Variants in MLLT3 observed in about 807,000 individuals in gnomAD.
MLLT3 encodes protein AF-9.
A neutral mutation model predicts 53.2 loss-of-function variants in MLLT3; 4 were observed. The ratio of observed to expected loss-of-function variants is 0.08; its 90% CI spans 0.04 to 0.17. The LOEUF (loss-of-function observed/expected upper bound fraction) is 0.17. Ranked by LOEUF, MLLT3 falls within the 10% of genes least tolerant of loss-of-function variation. MLLT3 has a pLI of 1.00. For synonymous variants in MLLT3, 283 were observed against 230.6 expected, an observed-to-expected ratio of 1.23 and a Z score of -2.06; for missense variants, 569 against 684.0, an observed-to-expected ratio of 0.83 and a Z score of 1.87.
chr9:20,575,002 C>T (rs1819619251), intron 2 of MLLT3, among the ~76,000 whole-genome samples: 1 of 152,196 alleles, frequency 6.6e-6, no homozygotes, highest in Non-Finnish European at 1.5e-5. Context: ...AAATCACTTG[C>T]TTGGCTCTTC....
intron 8 of MLLT3, among the ~76,000 whole-genome samples, chr9:20,358,289 G>A (rs140181134): frequency 6.6e-6 from 1 of 152,198 alleles, no homozygotes; most frequent in Non-Finnish European, 1.5e-5. Flanking sequence ...AAGCCCTCCT[G>A]TGGTATATAT....
intron 2 of MLLT3, among the ~76,000 whole-genome samples, chr9:20,548,920 T>A (rs998988095): frequency 6.6e-6 from 1 of 151,856 alleles, no homozygotes; most frequent in African/African-American, 2.4e-5. Context: ...GCTCAGCTGA[T>A]CCTCCCACTT....
At position 20,621,064 on chromosome 9, in the gene MLLT3, T is replaced by A. The variant is rs1563848308; in HGVS notation, c.13-230A>T. The A allele has an allele frequency of 6.0e-6, 4 of 671,252 alleles. No individual in the cohort carries two copies. The highest frequency in any genetic ancestry group is 3.8e-4 in the Middle Eastern group (1 of 2,598). 41.6% of individuals were successfully genotyped at this position (671,252 alleles called of 1,614,324 possible). On this transcript the variant is annotated intron_variant, in intron 1 of 10. Transcript: ENST00000380338. This position sits in a 1 kb window ranked among gnomAD's most constrained non-coding sequence, Gnocchi z 7.0. ...AGGCGCCCCGGGCCCCGCATCTACATCGGACAGGATTGTAACGGAATGTTA... is the reference window on the plus strand; with the variant it reads ...AGGCGCCCCGGGCCCCGCATCTACAACGGACAGGATTGTAACGGAATGTTA...
intron 2 of MLLT3, among the ~76,000 whole-genome samples, chr9:20,483,281 C>A (rs563978772): frequency 9.9e-5 from 15 of 151,966 alleles, no homozygotes; most frequent in African/African-American, 3.4e-4. Context: ...GTTGCCCAGG[C>A]TGGAGTGCAG....
At chr9:20,550,969 T>C (rs1479939180) in intron 2 of MLLT3, among the ~76,000 whole-genome samples, 1 of 152,084 alleles carries the variant, frequency 6.6e-6, no homozygotes, top group African/African-American at 2.4e-5. Flanking sequence ...CTCACTACAT[T>C]AACCAGGCTA....
At chr9:20,398,817 C>T (rs1459917850) in intron 5 of MLLT3, among the ~76,000 whole-genome samples, 3 of 152,060 alleles carry the variant, frequency 2.0e-5, no homozygotes, top group African/African-American at 7.2e-5. Context: ...CCTCTGCTGT[C>T]TCAATAAAAG....
At chr9:20,484,028 T>G (rs1824741226) in intron 2 of MLLT3, among the ~76,000 whole-genome samples, 1 of 152,074 alleles carries the variant, frequency 6.6e-6, no homozygotes, top group South Asian at 2.1e-4. Flanking sequence ...ACTCTTAATT[T>G]AGCATAGATT....
chr9:20,414,312 A>ACTGCTGCTG lies in MLLT3; in HGVS notation c.525_533dup (p.Ser188_Ser190dup), dbSNP rs747298605. 152 of 1,564,958 alleles carry ACTGCTGCTG rather than the reference A, an allele frequency of 9.7e-5. No homozygotes were observed. The highest frequency in any genetic ancestry group is 3.0e-4 in the African/African-American group (22 of 72,744). ...TGCTGCTGCTGCTACTGCTGCTGCT[A>ACTGCTGCTG]CTGCTGCTGCTGCTGCTGCTGCTGC... On this transcript the variant is annotated inframe_insertion, in exon 5 of 11. Coordinates refer to ENST00000380338, the MANE Select transcript of MLLT3 (RefSeq NM_004529.4).
intron 5 of MLLT3, among the ~76,000 whole-genome samples, chr9:20,379,906 T>C (rs1042051491): frequency 1.1e-4 from 16 of 151,858 alleles, no homozygotes; most frequent in Non-Finnish European, 2.2e-4. Flanking sequence ...ATAGACACCA[T>C]CCAAAACAAA....
chr9:20,452,921 G>C (rs1404353351), intron 3 of MLLT3, among the ~76,000 whole-genome samples: 1 of 152,126 alleles, frequency 6.6e-6, no homozygotes, highest in Non-Finnish European at 1.5e-5. Flanking sequence ...AGATGAATAA[G>C]CTCTAGAGAT....
intron 2 of MLLT3, among the ~76,000 whole-genome samples, chr9:20,475,490 T>C (rs1450783909): frequency 6.6e-6 from 1 of 152,092 alleles, no homozygotes; most frequent in Non-Finnish European, 1.5e-5. Flanking sequence ...ATTTAAAATT[T>C]TGTTAACATA....
intron 2 of MLLT3, among the ~76,000 whole-genome samples, chr9:20,607,449 CAT>C (rs1820598816): frequency 6.6e-6 from 1 of 151,924 alleles, no homozygotes; most frequent in South Asian, 2.1e-4. Flanking sequence ...AAGGAATAGA[CAT>C]AGTTAAGCAG....
At chr9:20,494,440 G>C (rs910397436) in intron 2 of MLLT3, among the ~76,000 whole-genome samples, 11 of 152,072 alleles carry the variant, frequency 7.2e-5, no homozygotes, top group Non-Finnish European at 1.2e-4. Context: ...AGAAATAATG[G>C]TTTAAGAAAT....
Position 20,621,780 on chromosome 9 carries a change from G to C in MLLT3, c.12+465C>G. 1.4e-6 allele frequency: 2 copies of C among 1,478,906 alleles called. No individual in the cohort carries two copies. The highest frequency in any genetic ancestry group is 1.8e-6 in the Non-Finnish European group (2 of 1,123,838). 91.6% of individuals were successfully genotyped at this position (1,478,906 alleles called of 1,614,324 possible). A position where few individuals can be genotyped will look rare whatever the true frequency, so the allele number is the denominator to read the frequency against. ...GCGCCGCGGAGAACGCACCATCGTA[G>C]CGGCCGCGGCGCTTTGCGGAGGTGC... On this transcript the variant is annotated intron_variant, in intron 1 of 10. Transcript: ENST00000380338. The surrounding 1 kb of genome is among the most constrained non-coding windows in gnomAD (Gnocchi z 7.0).
intron 2 of MLLT3, among the ~76,000 whole-genome samples, chr9:20,587,510 A>G (rs1820004911): frequency 6.7e-6 from 1 of 149,936 alleles, no homozygotes; most frequent in South Asian, 2.1e-4. Context: ...CTTCACAATA[A>G]TGCCTAAATT....
chr9:20,516,889 T>C (rs1159621907), intron 2 of MLLT3, among the ~76,000 whole-genome samples: 1 of 152,224 alleles, frequency 6.6e-6, no homozygotes, highest in African/African-American at 2.4e-5. Flanking sequence ...ATCCAACTCA[T>C]GCATTTTAAG....
chr9:20,508,919 GATTTCATTTTAAATA>G (rs1405484984), intron 2 of MLLT3, among the ~76,000 whole-genome samples: 2 of 152,104 alleles, frequency 1.3e-5, no homozygotes, highest in Admixed American at 6.6e-5. Flanking sequence ...TATGGTATAT[GATTTCATTTTAAATA>G]ATTTCATTTT....
At chr9:20,443,598 C>T (rs1329509941) in intron 4 of MLLT3, among the ~76,000 whole-genome samples, 3 of 152,130 alleles carry the variant, frequency 2.0e-5, no homozygotes, top group Non-Finnish European at 4.4e-5. Context: ...TCTATCAATG[C>T]GCTGGTTACA....
intron 4 of MLLT3, among the ~76,000 whole-genome samples, chr9:20,433,898 AG>A (rs1176002153): frequency 2.0e-5 from 3 of 151,812 alleles, no homozygotes; most frequent in African/African-American, 7.3e-5. Flanking sequence ...GCAGATCATG[AG>A]GTCAAGAGAT....
Sources: allele counts gnomAD v4.1 joint callset (sites outside exome capture counted in the v4.1 genomes callset), GRCh38; gene constraint gnomAD v4.1.1; non-coding constraint Gnocchi (gnomAD v3.1); transcripts MANE v1.5; gene names NCBI Gene and HGNC (gene_info 2026-07-23, HGNC 2026-07-21).